Variants in CNTNAP4 observed in about 807,000 individuals in gnomAD.
CNTNAP4 encodes contactin-associated protein-like 4.
CNTNAP4 carries 98 observed loss-of-function variants against 148.4 expected under a neutral mutation model. That is an observed-to-expected ratio of 0.66 (90% CI 0.56 to 0.78). CNTNAP4 has a LOEUF of 0.78. Ranked by LOEUF, CNTNAP4 falls within the 30% of genes least tolerant of loss-of-function variation. The pLI is 0.00. For synonymous variants in CNTNAP4, 730 were observed against 565.1 expected, an observed-to-expected ratio of 1.29 and a Z score of -4.14; for missense variants, 1,935 against 1,565.6, an observed-to-expected ratio of 1.24 and a Z score of -3.98.
chr16:76,486,021 C>T (rs1233210763), intron 12 of CNTNAP4, among the ~76,000 whole-genome samples: 1 of 152,180 alleles, frequency 6.6e-6, no homozygotes, highest in Non-Finnish European at 1.5e-5. Context: ...AGCATGTTTT[C>T]ACTTTGCACT....
At chr16:76,495,303 C>T (rs571012768) in intron 14 of CNTNAP4, 1 of 294,502 alleles carries the variant, frequency 3.4e-6, no homozygotes, top group South Asian at 8.1e-5. Flanking sequence ...TATAATCAAA[C>T]AGAGACACCT....
intron 3 of CNTNAP4, among the ~76,000 whole-genome samples, chr16:76,409,959 C>T (rs2078735159): frequency 6.6e-6 from 1 of 151,842 alleles, no homozygotes. Flanking sequence ...ATCTCTTCAT[C>T]TTACTTAATT....
chr16:76,556,200 A>G (rs556798263), intron 23 of CNTNAP4, among the ~76,000 whole-genome samples: 23 of 152,156 alleles, frequency 1.5e-4, no homozygotes, highest in Non-Finnish European at 2.9e-4. Flanking sequence ...GGTGACCCAG[A>G]TGTGGTAGGG....
chr16:76,368,642 G>A (rs1022888766), intron 3 of CNTNAP4, among the ~76,000 whole-genome samples: 1 of 151,942 alleles, frequency 6.6e-6, no homozygotes, highest in African/African-American at 2.4e-5. Flanking sequence ...TGGGCACAGG[G>A]AGGGGAACAT....
intron 2 of CNTNAP4, among the ~76,000 whole-genome samples, chr16:76,340,467 C>A (rs1311640304): frequency 6.6e-6 from 1 of 152,100 alleles, no homozygotes; most frequent in Non-Finnish European, 1.5e-5. Context: ...CTCTGAGCAC[C>A]ACCACCCAGA....
At chr16:76,359,911 AT>A (rs1322757814) in intron 3 of CNTNAP4, among the ~76,000 whole-genome samples, 1 of 152,218 alleles carries the variant, frequency 6.6e-6, no homozygotes, top group African/African-American at 2.4e-5. Flanking sequence ...ATTATTTTAA[AT>A]AGATAACATG....
At chr16:76,510,927 A>C (rs2082999896) in intron 15 of CNTNAP4, among the ~76,000 whole-genome samples, 1 of 152,016 alleles carries the variant, frequency 6.6e-6, no homozygotes, top group African/African-American at 2.4e-5. Context: ...CTTGTATGTG[A>C]CTTGCTTTTT....
intron 17 of CNTNAP4, among the ~76,000 whole-genome samples, chr16:76,532,764 C>A (rs114252428): frequency 1.3e-5 from 2 of 152,012 alleles, no homozygotes; most frequent in Non-Finnish European, 2.9e-5. Flanking sequence ...CCAACAAGGA[C>A]GCCAAAAGAA....
At chr16:76,538,438 C>T in intron 19 of CNTNAP4, 98 bp downstream of exon 19, 1 of 901,926 alleles carries the variant, frequency 1.1e-6, no homozygotes, top group South Asian at 1.6e-5. Context: ...AAGCTACAAA[C>T]AGAAAAATGG....
At chr16:76,402,930 C>T (rs1291901700) in intron 3 of CNTNAP4, among the ~76,000 whole-genome samples, 1 of 151,950 alleles carries the variant, frequency 6.6e-6, no homozygotes, top group Non-Finnish European at 1.5e-5. Context: ...GGTTCTTTTG[C>T]ATTTGCTGAA....
intron 4 of CNTNAP4, among the ~76,000 whole-genome samples, chr16:76,442,505 G>A (rs1386985862): frequency 6.6e-6 from 1 of 152,100 alleles, no homozygotes; most frequent in Non-Finnish European, 1.5e-5. Flanking sequence ...GGTTCTGCAG[G>A]CTGGGAAGTT....
chr16:76,420,547 C>G (rs181044907), intron 3 of CNTNAP4, among the ~76,000 whole-genome samples: 5 of 151,848 alleles, frequency 3.3e-5, no homozygotes, highest in African/African-American at 9.7e-5. Flanking sequence ...TTCCCTTTAT[C>G]CTAAAAAGTA....
At chr16:76,474,512 T>C (rs1422319252) in intron 10 of CNTNAP4, among the ~76,000 whole-genome samples, 1 of 152,162 alleles carries the variant, frequency 6.6e-6, no homozygotes, top group African/African-American at 2.4e-5. Flanking sequence ...TGGAAAAATT[T>C]TATAAGCAAA....
At chr16:76,404,291 G>C (rs2078523946) in intron 3 of CNTNAP4, among the ~76,000 whole-genome samples, 1 of 150,338 alleles carries the variant, frequency 6.7e-6, no homozygotes, top group African/African-American at 2.4e-5. Context: ...AAAAATAAAA[G>C]ACATAACAAT....
At chr16:76,505,704 C>T (rs1597769938) in intron 15 of CNTNAP4, among the ~76,000 whole-genome samples, 1 of 97,386 alleles carries the variant, frequency 1.0e-5, no homozygotes, top group African/African-American at 2.6e-5. Context: ...AAAACAAAAA[C>T]GTTAATAACA....
chr16:76,284,523 T>G (rs1199953772), intron 1 of CNTNAP4, among the ~76,000 whole-genome samples: 5 of 151,982 alleles, frequency 3.3e-5, no homozygotes, highest in African/African-American at 1.2e-4. Flanking sequence ...AGATTAACAT[T>G]GGAATTGGAA....
chr16:76,534,449 A>C (rs1438117440), intron 17 of CNTNAP4, among the ~76,000 whole-genome samples: 2 of 152,232 alleles, frequency 1.3e-5, no homozygotes, highest in Non-Finnish European at 2.9e-5. Context: ...GCTTCTTTTT[A>C]GAGGCCTCAT....
chr16:76,534,875 G>T (rs1053184657), intron 17 of CNTNAP4, among the ~76,000 whole-genome samples: 1 of 152,126 alleles, frequency 6.6e-6, no homozygotes, highest in African/African-American at 2.4e-5. Context: ...GGTACATATG[G>T]TTATGTATTC....
intron 19 of CNTNAP4, 132 bp from the exon 20 acceptor site, chr16:76,539,587 A>T (rs1049759322): frequency 2.5e-5 from 18 of 717,612 alleles, no homozygotes; most frequent in Admixed American, 3.4e-5. Context: ...ACTCTTGGGG[A>T]TTATAAAAAG....
Sources: gnomAD v4.1 joint callset for allele counts (sites outside exome capture counted in the v4.1 genomes callset) on GRCh38, gnomAD v4.1.1 for gene constraint, MANE v1.5 for transcripts, NCBI Gene and HGNC (gene_info 2026-07-23, HGNC 2026-07-21) for gene names.